The following GRIK1 variants were observed in gnomAD, a reference collection of about 807,000 sequenced individuals.
The protein encoded by GRIK1 is glutamate ionotropic receptor kainate type subunit 1, also known as glutamate receptor ionotropic, kainate 1.
In GRIK1, 69 loss-of-function variants were observed where a neutral mutation model predicts 105.7. The observed-to-expected ratio is 0.65, with a 90% CI of 0.54 to 0.80. The LOEUF (loss-of-function observed/expected upper bound fraction) is 0.80. GRIK1 is among the 30% of genes least tolerant of loss of function. The pLI, the probability that GRIK1 is intolerant of heterozygous loss-of-function variation, is 0.00. For synonymous variants in GRIK1, 438 were observed against 431.3 expected (o/e 1.02, Z -0.19); for missense variants, 1,109 against 1,167.3 (o/e 0.95, Z 0.73).
At chr21:29,928,772 G>A (rs1249723555) in intron 1 of GRIK1, among the ~76,000 whole-genome samples, 5 of 152,188 alleles carry the variant, frequency 3.3e-5, no homozygotes, top group African/African-American at 9.7e-5. Flanking sequence ...GTGCATTAGA[G>A]GCTGATACCC....
intron 7 of GRIK1, among the ~76,000 whole-genome samples, chr21:29,640,500 C>T (rs967221745): frequency 2.0e-5 from 3 of 152,152 alleles, no homozygotes; most frequent in Non-Finnish European, 2.9e-5. Context: ...CTTCCTGTAA[C>T]CCCTAACTGT....
chr21:29,836,980 C>G (rs757726960), intron 1 of GRIK1, among the ~76,000 whole-genome samples: 1 of 152,204 alleles, frequency 6.6e-6, no homozygotes, highest in African/African-American at 2.4e-5. Context: ...TAAAGTCCCT[C>G]ATGATCCAGC....
chr21:29,623,275 A>G (rs1476947791), intron 7 of GRIK1, among the ~76,000 whole-genome samples: 1 of 152,156 alleles, frequency 6.6e-6, no homozygotes, highest in Non-Finnish European at 1.5e-5. Flanking sequence ...CACTATCACA[A>G]GAACAGCATG....
chr21:29,699,075 T>C (rs1310844955), intron 1 of GRIK1, among the ~76,000 whole-genome samples: 2 of 152,212 alleles, frequency 1.3e-5, no homozygotes, highest in Non-Finnish European at 2.9e-5. Context: ...TCCTTCATAC[T>C]CTGTGTTCCC....
chr21:29,888,901 G>T (rs2069784490), intron 1 of GRIK1, among the ~76,000 whole-genome samples: 1 of 147,872 alleles, frequency 6.8e-6, no homozygotes, highest in Admixed American at 6.7e-5. Context: ...CTTCCATCAT[G>T]GAAAGGTTTC....
In GRIK1 at chr21:29,939,472, G is replaced by T; in HGVS notation, c.29C>A (p.Pro10His). 1 of 1,598,252 alleles carries T rather than the reference G, an allele frequency of 6.3e-7. No individual in the cohort carries two copies. The highest frequency in any genetic ancestry group is 8.5e-7 in the Non-Finnish European group (1 of 1,172,138). Reference sequence around the variant, plus strand: ...GCTGGTGTCCCTGGTCCAGAGCCCGGGCTGGGCGAGGAGTGTGCCGTGCTC... The same window carrying T: ...GCTGGTGTCCCTGGTCCAGAGCCCGTGCTGGGCGAGGAGTGTGCCGTGCTC... MEHGTLLAQPGLWTRDTSWA... is the reference protein window; with the variant it reads MEHGTLLAQHGLWTRDTSWA... Residue 10 changes from proline (P) to histidine (H), a missense_variant, in exon 1 of 18, where the codon CCC (proline) becomes CAC (histidine). By Grantham distance (77) the Pro-to-His change is moderately conservative. Around this residue, in one of 5 missense-constraint regions of GRIK1, gnomAD observed 612 missense variants for 586.0 expected, o/e 1.04. Transcript: ENST00000327783.
chr21:29,810,979 A>G (rs1025514986), intron 1 of GRIK1, among the ~76,000 whole-genome samples: 6 of 152,004 alleles, frequency 3.9e-5, no homozygotes, highest in Admixed American at 3.9e-4. Flanking sequence ...TCTTTAAACA[A>G]CCCTTCATGT....
At chr21:29,739,063 G>A (rs549527657) in intron 1 of GRIK1, among the ~76,000 whole-genome samples, 2 of 152,312 alleles carry the variant, frequency 1.3e-5, no homozygotes, top group African/African-American at 4.8e-5. Flanking sequence ...AGTGAAAAAG[G>A]TAGACCTAGT....
At chr21:29,768,660 A>G (rs1256018837) in intron 1 of GRIK1, among the ~76,000 whole-genome samples, 8 of 152,090 alleles carry the variant, frequency 5.3e-5, no homozygotes, top group Non-Finnish European at 8.8e-5. Context: ...TGCCACCTGA[A>G]CCCCATGCTG....
At chr21:29,937,095 C>T (rs1364048173) in intron 1 of GRIK1, among the ~76,000 whole-genome samples, 1 of 152,178 alleles carries the variant, frequency 6.6e-6, no homozygotes, top group East Asian at 1.9e-4. Flanking sequence ...TACACACACT[C>T]ATACACACAC....
At chr21:29,598,314 G>GT (rs1281276112) in intron 8 of GRIK1, among the ~76,000 whole-genome samples, 10 of 152,134 alleles carry the variant, frequency 6.6e-5, no homozygotes, top group African/African-American at 1.9e-4. Context: ...TTAAAATACA[G>GT]TTTTTTGGCA....
intron 1 of GRIK1, among the ~76,000 whole-genome samples, chr21:29,782,153 C>G (rs1349300013): frequency 6.7e-6 from 1 of 149,180 alleles, no homozygotes; most frequent in African/African-American, 2.5e-5. Context: ...GTGGCGCGAT[C>G]TCGGCTCACT....
intron 4 of GRIK1, among the ~76,000 whole-genome samples, chr21:29,667,830 A>G (rs1267911860): frequency 4.6e-5 from 7 of 152,210 alleles, no homozygotes; most frequent in Non-Finnish European, 1.5e-5. Context: ...CAATCCTACT[A>G]TAGATTTAAA....
intron 4 of GRIK1, among the ~76,000 whole-genome samples, chr21:29,655,636 G>A (rs936337035): frequency 6.6e-6 from 1 of 152,068 alleles, no homozygotes; most frequent in Non-Finnish European, 1.5e-5. Flanking sequence ...TTTAAATGAA[G>A]GTTTATGAAT....
intron 1 of GRIK1, among the ~76,000 whole-genome samples, chr21:29,846,095 T>A (rs1201595697): frequency 6.6e-6 from 1 of 152,030 alleles, no homozygotes; most frequent in Non-Finnish European, 1.5e-5. Context: ...AGACACAGAA[T>A]AGAAATGCTT....
At chr21:29,861,796 A>C (rs2068648974) in intron 1 of GRIK1, 1 of 306,866 alleles carries the variant, frequency 3.3e-6, no homozygotes, top group African/African-American at 2.2e-5. Flanking sequence ...CCAGCCTTAA[A>C]TACCTAGAAT....
intron 15 of GRIK1, among the ~76,000 whole-genome samples, chr21:29,560,715 C>A (rs190653294): frequency 2.8e-3 from 423 of 151,386 alleles, no homozygotes; most frequent in African/African-American, 9.9e-3. Flanking sequence ...GATTCTCCTG[C>A]CTCAGCCTCC....
intron 1 of GRIK1, among the ~76,000 whole-genome samples, chr21:29,909,373 A>G (rs2070740386): frequency 6.6e-6 from 1 of 151,958 alleles, no homozygotes; most frequent in African/African-American, 2.4e-5. Flanking sequence ...AATGCAAGCA[A>G]AACATAAGTA....
chr21:29,860,303 G>T (rs538685281), intron 1 of GRIK1, among the ~76,000 whole-genome samples: 1 of 152,364 alleles, frequency 6.6e-6, no homozygotes, highest in Admixed American at 6.5e-5. Context: ...TGCTGTTACT[G>T]CCAACCTGGG....
Sources: gnomAD v4.1 joint callset for allele counts (sites outside exome capture counted in the v4.1 genomes callset) on GRCh38, gnomAD v4.1.1 for gene constraint, gnomAD v4.1.1 regional missense constraint, MANE v1.5 for transcripts, NCBI Gene and HGNC (gene_info 2026-07-23, HGNC 2026-07-21) for gene names.